The following ADGRL3 variants were observed in gnomAD, a reference collection of about 807,000 sequenced individuals.
ADGRL3 encodes calcium-independent alpha-latrotoxin receptor 3.
ADGRL3 carries 62 observed loss-of-function variants against 153.5 expected under a neutral mutation model. The observed-to-expected ratio is 0.40, with a 90% CI of 0.33 to 0.50. The LOEUF (loss-of-function observed/expected upper bound fraction) is 0.50, where lower values mean the gene tolerates loss of function less well. Ranked by LOEUF, ADGRL3 falls within the 20% of genes least tolerant of loss-of-function variation. ADGRL3 has a pLI of 0.47. For missense variants in ADGRL3, 1,641 were observed against 1,859.4 expected (o/e 0.88, Z 2.16); for synonymous variants, 710 against 672.5 (o/e 1.06, Z -0.86).
At chr4:61,454,213 C>A (rs1578950138) in intron 2 of ADGRL3, among the ~76,000 whole-genome samples, 1 of 152,066 alleles carries the variant, frequency 6.6e-6, no homozygotes, top group East Asian at 1.9e-4. Flanking sequence ...AATTAAACAA[C>A]TCCTGTGACT....
At chr4:61,808,995 A>G (rs974700619) in intron 8 of ADGRL3, among the ~76,000 whole-genome samples, 1 of 152,110 alleles carries the variant, frequency 6.6e-6, no homozygotes, top group Non-Finnish European at 1.5e-5. Context: ...AAAAACCTCA[A>G]GAGTAAAAAT....
At chr4:61,367,615 A>G (rs1240650683) in intron 1 of ADGRL3, among the ~76,000 whole-genome samples, 4 of 148,366 alleles carry the variant, frequency 2.7e-5, no homozygotes, top group Non-Finnish European at 5.9e-5. Flanking sequence ...TATGTGCCAC[A>G]ATTTCTTAAT....
At chr4:61,887,565 G>T (rs1158739488) in intron 9 of ADGRL3, among the ~76,000 whole-genome samples, 1 of 152,046 alleles carries the variant, frequency 6.6e-6, no homozygotes, top group Non-Finnish European at 1.5e-5. Context: ...TTGCAAAACG[G>T]GCCAGGTGTG....
intron 17 of ADGRL3, among the ~76,000 whole-genome samples, chr4:61,949,510 T>G (rs1476507363): frequency 6.6e-6 from 1 of 151,952 alleles, no homozygotes; most frequent in Non-Finnish European, 1.5e-5. Flanking sequence ...CCAGACTGAC[T>G]GACATGGCAA....
At chr4:61,212,151 A>C (rs572175902) in intron 1 of ADGRL3, 2 of 152,228 alleles carry the variant, frequency 1.3e-5, no homozygotes, top group Non-Finnish European at 2.9e-5. Flanking sequence ...TGCACAGAAG[A>C]AAAAGTTATG....
At chr4:61,790,836 A>G (rs1329836494) in intron 8 of ADGRL3, among the ~76,000 whole-genome samples, 1 of 152,192 alleles carries the variant, frequency 6.6e-6, no homozygotes, top group Non-Finnish European at 1.5e-5. Flanking sequence ...GTCATGTCTT[A>G]CATGGATGGC....
chr4:61,319,119 T>A (rs890727016), intron 1 of ADGRL3, among the ~76,000 whole-genome samples: 5 of 152,192 alleles, frequency 3.3e-5, no homozygotes, highest in African/African-American at 1.2e-4. Flanking sequence ...AAGTCCAATG[T>A]GTACACTGAA....
chr4:61,718,027 A>AAAAT (rs1173573669), intron 6 of ADGRL3, among the ~76,000 whole-genome samples: 5 of 152,070 alleles, frequency 3.3e-5, no homozygotes, highest in African/African-American at 1.2e-4. Flanking sequence ...GAGTTGTCTC[A>AAAAT]AAATAAATAA....
chr4:61,781,065 G>A (rs1364729429), intron 8 of ADGRL3, among the ~76,000 whole-genome samples: 8 of 152,056 alleles, frequency 5.3e-5, no homozygotes, highest in Non-Finnish European at 2.9e-5. Flanking sequence ...GGTGGCTCAC[G>A]CCTGTAATCC....
At chr4:61,341,569 A>G (rs1413036800) in intron 1 of ADGRL3, among the ~76,000 whole-genome samples, 1 of 151,688 alleles carries the variant, frequency 6.6e-6, no homozygotes, top group Non-Finnish European at 1.5e-5. Flanking sequence ...CATGTAATGC[A>G]TAAGATATTC....
intron 24 of ADGRL3, among the ~76,000 whole-genome samples, chr4:62,039,249 G>A (rs1375104030): frequency 1.3e-5 from 2 of 151,820 alleles, no homozygotes; most frequent in African/African-American, 4.8e-5. Context: ...TAATATATCT[G>A]ATTGTCTCAA....
intron 2 of ADGRL3, among the ~76,000 whole-genome samples, chr4:61,416,169 A>T (rs1395153874): frequency 1.3e-5 from 2 of 152,104 alleles, no homozygotes; most frequent in African/African-American, 4.8e-5. Flanking sequence ...ATGCTATATG[A>T]CATTGTTAAT....
In ADGRL3 at chr4:61,201,307, C is replaced by A; in HGVS notation, c.-698C>A. ...AGCAGCAAGAGAAGGAGAAGCAGCC[C>A]CAGCTATGACTGCCGCATGTTAATA... On this transcript the variant is annotated 5_prime_UTR_variant, in exon 1 of 27. Transcript: ENST00000683033. The A allele has an allele frequency of 6.5e-6, 1 of 153,332 alleles. No individual in the cohort carries two copies. Among genetic ancestry groups the A allele is most frequent in the South Asian group, 2.0e-4 (1 of 5,076 alleles). The allele number at this position is 153,332 out of a possible 1,614,324, so 9.5% of individuals were successfully genotyped here. A position where few individuals can be genotyped will look rare whatever the true frequency, so the allele number is the denominator to read the frequency against.
intron 8 of ADGRL3, among the ~76,000 whole-genome samples, chr4:61,806,014 T>C (rs2097548609): frequency 6.6e-6 from 1 of 152,192 alleles, no homozygotes; most frequent in Non-Finnish European, 1.5e-5. Flanking sequence ...TTTTTATGAT[T>C]TGTAATGTAG....
At chr4:62,059,980 T>C (rs556981119) in intron 25 of ADGRL3, among the ~76,000 whole-genome samples, 2 of 152,262 alleles carry the variant, frequency 1.3e-5, no homozygotes, top group Admixed American at 1.3e-4. Flanking sequence ...ACCACATAGA[T>C]TATTTTTAAA....
intron 6 of ADGRL3, among the ~76,000 whole-genome samples, chr4:61,692,612 T>G (rs866937850): frequency 9.9e-5 from 15 of 152,034 alleles, no homozygotes; most frequent in Middle Eastern, 3.4e-3. Context: ...CCTGGCTAAT[T>G]TTTGTATTTG....
chr4:62,064,334 T>C lies in ADGRL3; in HGVS notation c.3815-3832T>C, dbSNP rs565821077. ...AAATGATCCAAAAATTAATTGTATC[T>C]CAGAAAAAAAAAAACCACCATAGAT... is the stretch of plus-strand genomic sequence containing the variant. On this transcript the variant is annotated intron_variant, in intron 25 of 26. Transcript: ENST00000683033. Among the ~76,000 whole-genome samples, 259 of 150,116 alleles carry C rather than the reference T, an allele frequency of 1.7e-3. 1 individual carries two copies. Among genetic ancestry groups the C allele is most frequent in the Non-Finnish European group, 2.7e-3 (185 of 67,678 alleles).
At chr4:61,364,189 T>C (rs551569311) in intron 1 of ADGRL3, among the ~76,000 whole-genome samples, 2 of 151,840 alleles carry the variant, frequency 1.3e-5, no homozygotes, top group South Asian at 2.1e-4. Flanking sequence ...AAAAATTAGC[T>C]GGGCATGGTG....
chr4:61,255,793 G>A (rs35248552), intron 1 of ADGRL3, among the ~76,000 whole-genome samples: 18,574 of 152,092 alleles, frequency 0.12, 1,246 homozygotes, highest in Middle Eastern at 0.18. Context: ...AATAGCTCAC[G>A]GTTAGTGTAG....
Sources: allele counts gnomAD v4.1 joint callset (sites outside exome capture counted in the v4.1 genomes callset), GRCh38; gene constraint gnomAD v4.1.1; transcripts MANE v1.5; gene names NCBI Gene and HGNC (gene_info 2026-07-23, HGNC 2026-07-21).